FUT8: variants seen among roughly 807,000 people sequenced by gnomAD.
FUT8 encodes alpha-(1,6)-fucosyltransferase.
In FUT8, 29 loss-of-function variants were observed where a neutral mutation model predicts 71.3. The ratio of observed to expected loss-of-function variants is 0.41; its 90% CI spans 0.30 to 0.55. The LOEUF is 0.55. Ranked by LOEUF, FUT8 falls within the 20% of genes least tolerant of loss-of-function variation. FUT8 has a pLI of 0.34. For synonymous variants in FUT8, 254 were observed against 239.3 expected (o/e 1.06, Z -0.57); for missense variants, 544 against 702.1 (o/e 0.77, Z 2.55).
intron 1 of FUT8, among the ~76,000 whole-genome samples, chr14:65,441,272 A>C (rs898826949): frequency 1.3e-5 from 2 of 152,200 alleles, no homozygotes. Context: ...GGGTTGTTGA[A>C]ATACAGATGT....
intron 6 of FUT8, among the ~76,000 whole-genome samples, chr14:65,651,079 A>G (rs562242356): frequency 4.6e-5 from 7 of 152,306 alleles, no homozygotes; most frequent in South Asian, 2.1e-4. Context: ...GCCCTCCCCA[A>G]TGGATGCTAC....
chr14:65,684,943 T>C (rs1276642763), intron 7 of FUT8, among the ~76,000 whole-genome samples: 2 of 152,212 alleles, frequency 1.3e-5, no homozygotes, highest in African/African-American at 4.8e-5. Flanking sequence ...AACAGTATGT[T>C]ATTATCCAGT....
At chr14:65,542,164 T>C (rs983610535) in intron 2 of FUT8, among the ~76,000 whole-genome samples, 2 of 152,190 alleles carry the variant, frequency 1.3e-5, no homozygotes, top group Non-Finnish European at 2.9e-5. Flanking sequence ...ATAAATGTAA[T>C]CGTTATTATT....
At chr14:65,412,424 C>T (rs758564025), upstream of FUT8, 13 of 436,774 alleles carry the variant, frequency 3.0e-5, no homozygotes, top group Non-Finnish European at 5.6e-5. Context: ...AGGCGAGTCT[C>T]CTCCCGGGAT....
At chr14:65,378,850 T>G in the FUT8 span, among the ~76,000 whole-genome samples, 5 of 137,006 alleles carry the variant, frequency 3.6e-5, no homozygotes, top group African/African-American at 1.3e-4. Flanking sequence ...TTTTTTTTTT[T>G]TTTTTTTTTT....
chr14:65,388,644 C>T, the FUT8 span, among the ~76,000 whole-genome samples: 1 of 152,068 alleles, frequency 6.6e-6, no homozygotes, highest in Non-Finnish European at 1.5e-5. Flanking sequence ...CACCTGTAAT[C>T]CCAGCTACTC....
chr14:65,542,337 C>T (rs139158310), intron 2 of FUT8, among the ~76,000 whole-genome samples: 1 of 152,164 alleles, frequency 6.6e-6, no homozygotes, highest in Admixed American at 6.5e-5. Context: ...CCTGTACTTT[C>T]CAAGATCTTA....
chr14:65,578,521 T>C (rs1886910603), intron 3 of FUT8, among the ~76,000 whole-genome samples: 1 of 152,192 alleles, frequency 6.6e-6, no homozygotes, highest in Non-Finnish European at 1.5e-5. Flanking sequence ...CAACACAAAT[T>C]CGTAAACTTT....
At chr14:65,490,434 C>G (rs2066465952) in intron 2 of FUT8, among the ~76,000 whole-genome samples, 1 of 152,146 alleles carries the variant, frequency 6.6e-6, no homozygotes, top group Non-Finnish European at 1.5e-5. Flanking sequence ...TTTATCAAGG[C>G]CCAGGCATCT....
Position 65,643,567 on chromosome 14 carries a change from T to A in FUT8, c.597+13961T>A, listed in dbSNP as rs1436196521. On this transcript the variant is annotated intron_variant, in intron 6 of 10. Coordinates refer to ENST00000673929, the MANE Select transcript of FUT8 (RefSeq NM_001371533.1). This position sits in a 1 kb window ranked among gnomAD's most constrained non-coding sequence, Gnocchi z 4.5. Reference sequence around the variant, plus strand: ...TACTCAGGAGGCTGAGGCAGGAGAATGGCGTGAACCTGGGAGGCGGAGCTT... The same window carrying A: ...TACTCAGGAGGCTGAGGCAGGAGAAAGGCGTGAACCTGGGAGGCGGAGCTT... Among the ~76,000 whole-genome samples, 1 of 151,824 alleles carries A rather than the reference T, an allele frequency of 6.6e-6. No individual in the cohort carries two copies. The highest frequency in any genetic ancestry group is 1.5e-5 in the Non-Finnish European group (1 of 67,984).
At chr14:65,388,266 A>C in the FUT8 span, among the ~76,000 whole-genome samples, 1 of 152,190 alleles carries the variant, frequency 6.6e-6, no homozygotes, top group South Asian at 2.1e-4. Flanking sequence ...CCTACAGTAC[A>C]CACATGAAAA....
At chr14:65,573,770 G>A (rs1002875073) in intron 3 of FUT8, among the ~76,000 whole-genome samples, 2 of 151,526 alleles carry the variant, frequency 1.3e-5, no homozygotes, top group African/African-American at 4.8e-5. Context: ...CAGGTTTAGT[G>A]ATTCATTCAT....
intron 3 of FUT8, among the ~76,000 whole-genome samples, chr14:65,575,417 G>A (rs1035033676): frequency 7.9e-5 from 12 of 152,032 alleles, no homozygotes; most frequent in Non-Finnish European, 1.5e-4. Flanking sequence ...TCATACATGG[G>A]CATTAATTTC....
chr14:65,557,974 A>G (rs1312253978), intron 2 of FUT8, among the ~76,000 whole-genome samples: 1 of 152,194 alleles, frequency 6.6e-6, no homozygotes, highest in Non-Finnish European at 1.5e-5. Context: ...TGTCTTTGCA[A>G]AGTGAATCTT....
intron 3 of FUT8, among the ~76,000 whole-genome samples, chr14:65,615,053 G>T (rs910448690): frequency 2.0e-5 from 3 of 152,136 alleles, no homozygotes; most frequent in African/African-American, 7.2e-5. Context: ...TTGACTGATT[G>T]TTTTTGTTGC....
At chr14:65,676,858 GAAAGT>G (rs750130103) in intron 7 of FUT8, among the ~76,000 whole-genome samples, 46 of 152,210 alleles carry the variant, frequency 3.0e-4, no homozygotes, top group Non-Finnish European at 5.4e-4. Flanking sequence ...ACATTTTGAA[GAAAGT>G]AAAGAATGCA....
At chr14:65,700,257 T>TC (rs1347909969) in intron 7 of FUT8, among the ~76,000 whole-genome samples, 1 of 152,126 alleles carries the variant, frequency 6.6e-6, no homozygotes, top group East Asian at 1.9e-4. Flanking sequence ...ATTCATATTT[T>TC]CCCCCAAACA....
chr14:65,362,509 T>TCAAACAAA, the FUT8 span, among the ~76,000 whole-genome samples: 7 of 151,568 alleles, frequency 4.6e-5, no homozygotes, highest in African/African-American at 4.8e-5. Context: ...GACCCCCATC[T>TCAAACAAA]CAAACAAACA....
chr14:65,742,372 AC>A lies in FUT8; in HGVS notation c.1691del (p.Thr564ArgfsTer39). The A allele has an allele frequency of 6.2e-7, 1 of 1,612,638 alleles. No homozygotes were observed. The highest frequency in any genetic ancestry group is 8.5e-7 in the Non-Finnish European group (1 of 1,179,126). On this transcript the variant is annotated frameshift_variant, in exon 11 of 11. Coordinates refer to ENST00000673929, the MANE Select transcript of FUT8 (RefSeq NM_001371533.1). LOFTEE classifies it high-confidence loss of function. ...CTACAAAGTTCGAGAGAAGATAGAA[AC>A]GGTCAAGTACCCCACATATCCTGAG... ...PSYKVREKIE[T>X]VKYPTYPEAE...
Sources: gnomAD v4.1 joint callset for allele counts (sites outside exome capture counted in the v4.1 genomes callset) on GRCh38, gnomAD v4.1.1 for gene constraint, Gnocchi (gnomAD v3.1) non-coding constraint, MANE v1.5 for transcripts, NCBI Gene and HGNC (gene_info 2026-07-23, HGNC 2026-07-21) for gene names.